Variants in TMEM132D observed in about 807,000 individuals in gnomAD.
TMEM132D encodes transmembrane protein 132D.
In TMEM132D, 21 loss-of-function variants were observed where a neutral mutation model predicts 62.3. That is an observed-to-expected ratio of 0.34 (90% CI 0.24 to 0.49). The LOEUF is 0.49. Ranked by LOEUF, TMEM132D falls within the 20% of genes least tolerant of loss-of-function variation. The pLI is 0.99. For missense variants in TMEM132D, 1,346 were observed against 1,402.8 expected (o/e 0.96, Z 0.65); for synonymous variants, 621 against 575.6 (o/e 1.08, Z -1.13).
At chr12:129,370,902 A>C (rs984317451) in intron 3 of TMEM132D, among the ~76,000 whole-genome samples, 3 of 152,210 alleles carry the variant, frequency 2.0e-5, no homozygotes, top group Non-Finnish European at 2.9e-5. Context: ...AAATAAAGAG[A>C]AGTTGGTTAA....
chr12:129,084,465 A>C, intron 6 of TMEM132D, 32 bp downstream of exon 6: 1 of 1,556,872 alleles, frequency 6.4e-7, no homozygotes, highest in Non-Finnish European at 8.7e-7. Context: ...CTTCCTCCTT[A>C]GCCTGCCATG....
chr12:129,289,561 A>AAG lies in TMEM132D; in HGVS notation c.1299+48072_1299+48073insCT, dbSNP rs1163295161. On this transcript the variant is annotated intron_variant, in intron 4 of 8. Transcript: ENST00000422113. ...TTCCATCTCAATAAAAAAAAAAAAA[A>AAG]AAAGAAAAAAAAGAAAAAGAAAAGG... 1.3e-4 allele frequency among the ~76,000 whole-genome samples: 19 copies of AAG among 148,762 alleles called. No homozygotes were observed. The South Asian group carries it at 2.4e-3, about 19-fold the overall frequency.
At chr12:129,222,258 A>G (rs1879368185) in intron 4 of TMEM132D, among the ~76,000 whole-genome samples, 2 of 152,200 alleles carry the variant, frequency 1.3e-5, no homozygotes, top group Non-Finnish European at 2.9e-5. Flanking sequence ...AGCCAAATGC[A>G]TGGTGCTCTT....
At chr12:129,235,604 T>C (rs1879758389) in intron 4 of TMEM132D, among the ~76,000 whole-genome samples, 1 of 152,212 alleles carries the variant, frequency 6.6e-6, no homozygotes, top group African/African-American at 2.4e-5. Flanking sequence ...TATTCATCAG[T>C]TGATGGACAT....
chr12:129,413,405 A>C (rs548888432), intron 3 of TMEM132D, among the ~76,000 whole-genome samples: 1 of 152,304 alleles, frequency 6.6e-6, no homozygotes, highest in South Asian at 2.1e-4. Context: ...AGCCATGTGG[A>C]ACAGTGAATC....
chr12:129,372,517 T>C (rs919143917), intron 3 of TMEM132D, among the ~76,000 whole-genome samples: 3 of 152,168 alleles, frequency 2.0e-5, no homozygotes, highest in Admixed American at 2.0e-4. Flanking sequence ...GCTTCATCTG[T>C]ATTTGCAGCC....
chr12:129,602,153 C>G (rs115654898), intron 2 of TMEM132D, among the ~76,000 whole-genome samples: 2,670 of 152,190 alleles, frequency 0.018, 75 homozygotes, highest in African/African-American at 0.059. Context: ...GCTACAAGGG[C>G]CAACTCTATC....
chr12:129,288,169 T>C (rs1452830337), intron 4 of TMEM132D, among the ~76,000 whole-genome samples: 1 of 152,202 alleles, frequency 6.6e-6, no homozygotes, highest in African/African-American at 2.4e-5. Context: ...CTCCATGACA[T>C]TGGTCTCAAC....
chr12:129,757,437 C>T (rs1870205066), intron 1 of TMEM132D, among the ~76,000 whole-genome samples: 1 of 152,108 alleles, frequency 6.6e-6, no homozygotes. Context: ...ATGCCAATTA[C>T]TCAAAAATTC....
rs751521627 is a variant in TMEM132D, at chr12:129,655,741, G to C, written c.968+44069C>G. Among the ~76,000 whole-genome samples, 18 of 152,212 alleles carry C rather than the reference G, an allele frequency of 1.2e-4. 1 individual carries two copies. The South Asian group carries it at 2.3e-3, about 19-fold the overall frequency. ...TTGGCTGGAGGGCTGCAAATGAGCT[G>C]CTATCTGTTGAACCGGAAAATAGCA... On this transcript the variant is annotated intron_variant, in intron 2 of 8. Transcript: ENST00000422113.
intron 1 of TMEM132D, among the ~76,000 whole-genome samples, chr12:129,705,990 T>A (rs1026812264): frequency 3.3e-5 from 5 of 152,150 alleles, no homozygotes; most frequent in Non-Finnish European, 7.4e-5. Context: ...TATACTTTTC[T>A]GATAACTTAA....
In TMEM132D at chr12:129,198,095, C is replaced by T. The variant is rs147076023; in HGVS notation, c.1443+11425G>A. ...AACCATTCCTTGGTTTTAATATCAC[C>T]TCACATCTGTCAGAATGGCTATTAT... On this transcript the variant is annotated intron_variant, in intron 5 of 8. Transcript: ENST00000422113. 1.1e-4 allele frequency among the ~76,000 whole-genome samples: 17 copies of T among 152,216 alleles called. No homozygotes were observed. In the East Asian group the frequency reaches 2.7e-3, roughly 24 times the overall value.
intron 3 of TMEM132D, among the ~76,000 whole-genome samples, chr12:129,344,156 T>G (rs1869607046): frequency 6.6e-6 from 1 of 152,206 alleles, no homozygotes; most frequent in Non-Finnish European, 1.5e-5. Flanking sequence ...AACTTGCTTT[T>G]GCTTTGCACT....
At chr12:129,461,880 T>C (rs73151088) in intron 3 of TMEM132D, among the ~76,000 whole-genome samples, 1 of 152,154 alleles carries the variant, frequency 6.6e-6, no homozygotes, top group Non-Finnish European at 1.5e-5. Flanking sequence ...CAAATACGGA[T>C]AAGTTCAGGA....
chr12:129,489,139 T>C (rs1396226265), intron 3 of TMEM132D, among the ~76,000 whole-genome samples: 1 of 152,178 alleles, frequency 6.6e-6, no homozygotes, highest in Non-Finnish European at 1.5e-5. Flanking sequence ...TTCTTAACAT[T>C]CTCCGAAAAT....
chr12:129,455,849 T>C (rs975402929), intron 3 of TMEM132D, among the ~76,000 whole-genome samples: 1 of 152,222 alleles, frequency 6.6e-6, no homozygotes, highest in Non-Finnish European at 1.5e-5. Flanking sequence ...CTGTGTCCTC[T>C]GGGGAGCCAG....
intron 1 of TMEM132D, among the ~76,000 whole-genome samples, chr12:129,785,923 C>A (rs1430218376): frequency 6.6e-6 from 1 of 152,192 alleles, no homozygotes; most frequent in African/African-American, 2.4e-5. Flanking sequence ...CTCGAAATAG[C>A]AGTTTATGAT....
At chr12:129,406,840 C>T (rs1246091378) in intron 3 of TMEM132D, among the ~76,000 whole-genome samples, 3 of 152,164 alleles carry the variant, frequency 2.0e-5, no homozygotes, top group Admixed American at 2.0e-4. Context: ...ATAGCCTGTA[C>T]GCCCAGCAGA....
chr12:129,499,046 A>G (rs1017212020), intron 3 of TMEM132D, among the ~76,000 whole-genome samples: 2 of 152,146 alleles, frequency 1.3e-5, no homozygotes, highest in Admixed American at 6.5e-5. Flanking sequence ...AGAAATATAT[A>G]TGGATTGCCT....
Sources: allele counts gnomAD v4.1 joint callset (sites outside exome capture counted in the v4.1 genomes callset), GRCh38; gene constraint gnomAD v4.1.1; transcripts MANE v1.5; gene names NCBI Gene and HGNC (gene_info 2026-07-23, HGNC 2026-07-21).